The following TNIK variants were observed in gnomAD, a reference collection of about 807,000 sequenced individuals.
TNIK encodes the protein TRAF2 and NCK interacting kinase.
TNIK carries 49 observed loss-of-function variants against 191.3 expected under a neutral mutation model. That is an observed-to-expected ratio of 0.26 (90% CI 0.20 to 0.32). TNIK has a LOEUF of 0.32. Ranked by LOEUF, TNIK falls within the 10% of genes least tolerant of loss-of-function variation. The pLI is 1.00. For synonymous variants in TNIK, 594 were observed against 600.9 expected (o/e 0.99, Z 0.17); for missense variants, 1,155 against 1,702.3 (o/e 0.68, Z 5.66).
intron 1 of TNIK, among the ~76,000 whole-genome samples, chr3:171,416,614 C>T (rs1253488835): frequency 2.0e-5 from 3 of 152,182 alleles, no homozygotes; most frequent in African/African-American, 7.2e-5. Context: ...CTATTCACCC[C>T]TGCAAGTAAT....
chr3:171,393,314 C>A (rs1411156633), intron 1 of TNIK, among the ~76,000 whole-genome samples: 1 of 152,144 alleles, frequency 6.6e-6, no homozygotes, highest in Non-Finnish European at 1.5e-5. Flanking sequence ...GGCTGGAATC[C>A]CACTGAGCAA....
At chr3:171,080,768 C>G (rs1720573819) in intron 27 of TNIK, among the ~76,000 whole-genome samples, 1 of 152,180 alleles carries the variant, frequency 6.6e-6, no homozygotes, top group Non-Finnish European at 1.5e-5. Context: ...AAGCATTACA[C>G]ATGCATTTGA....
chr3:171,337,481 G>C (rs1017559328), intron 2 of TNIK, among the ~76,000 whole-genome samples: 1 of 152,150 alleles, frequency 6.6e-6, no homozygotes, highest in Non-Finnish European at 1.5e-5. Flanking sequence ...ATGTAAATAC[G>C]GTTTAAGCCT....
intron 1 of TNIK, among the ~76,000 whole-genome samples, chr3:171,388,490 C>T (rs1393744380): frequency 1.3e-5 from 2 of 152,198 alleles, no homozygotes; most frequent in Admixed American, 6.5e-5. Context: ...GGTCCTGCCA[C>T]GCATTAGCTA....
intron 2 of TNIK, among the ~76,000 whole-genome samples, chr3:171,248,626 C>T (rs1440458529): frequency 6.6e-6 from 1 of 152,064 alleles, no homozygotes; most frequent in Non-Finnish European, 1.5e-5. Context: ...AGGCTGGAAG[C>T]ATCAAAGGCT....
At chr3:171,362,619 T>C (rs1577637846) in intron 2 of TNIK, among the ~76,000 whole-genome samples, 1 of 152,344 alleles carries the variant, frequency 6.6e-6, no homozygotes, top group Non-Finnish European at 1.5e-5. Flanking sequence ...AAAAGGTTAT[T>C]GAGTGCCTAC....
intron 21 of TNIK, among the ~76,000 whole-genome samples, chr3:171,106,198 A>C (rs1221478032): frequency 6.6e-6 from 1 of 152,172 alleles, no homozygotes; most frequent in Non-Finnish European, 1.5e-5. Flanking sequence ...ACCTTAATCA[A>C]ACCCTTGGCT....
At chr3:171,355,730 C>G (rs1211993827) in intron 2 of TNIK, among the ~76,000 whole-genome samples, 1 of 152,122 alleles carries the variant, frequency 6.6e-6, no homozygotes, top group African/African-American at 2.4e-5. Flanking sequence ...ATAATGTGAT[C>G]CTTAATGGAA....
intron 1 of TNIK, among the ~76,000 whole-genome samples, chr3:171,388,847 G>A (rs1277652986): frequency 1.3e-5 from 2 of 152,106 alleles, no homozygotes; most frequent in Non-Finnish European, 2.9e-5. Context: ...GTGTTTAAGT[G>A]CCTAACTCCA....
intron 2 of TNIK, among the ~76,000 whole-genome samples, chr3:171,345,810 A>G (rs775687654): frequency 1.4e-4 from 21 of 152,202 alleles, no homozygotes; most frequent in Non-Finnish European, 2.9e-4. Context: ...ATATGCTTTT[A>G]GTATCATCTA....
chr3:171,226,266 T>C (rs1390119175), intron 3 of TNIK, among the ~76,000 whole-genome samples: 1 of 152,164 alleles, frequency 6.6e-6, no homozygotes, highest in East Asian at 1.9e-4. Context: ...TGTATGGAAG[T>C]AGAAAATATT....
chr3:171,126,068 G>C lies in TNIK; in HGVS notation c.1857C>G (p.Leu619=), dbSNP rs1395944838. Residue 619 remains leucine, a synonymous_variant, in exon 17 of 33, where the codon CTC becomes CTG. Coordinates refer to ENST00000436636, the MANE Select transcript of TNIK (RefSeq NM_015028.4). The part of the protein sequence containing the change: ...QSVHEQPTKG[L]SGFQEALNVT... ...CGTTCAGAGCCTCCTGAAACCCAGA[G>C]AGGCCCTTTGTGGGCTGCTCGTGCA... The C allele has an allele frequency of 6.2e-7, 1 of 1,613,148 alleles. No individual in the cohort carries two copies.
intron 7 of TNIK, among the ~76,000 whole-genome samples, chr3:171,187,869 T>C (rs1189486910): frequency 6.6e-6 from 1 of 152,150 alleles, no homozygotes; most frequent in African/African-American, 2.4e-5. Context: ...TGTCCTGTAA[T>C]GTACACAAAG....
chr3:171,087,033 G>A (rs1218693250), intron 24 of TNIK, among the ~76,000 whole-genome samples: 1 of 152,114 alleles, frequency 6.6e-6, no homozygotes, highest in African/African-American at 2.4e-5. Flanking sequence ...CATCAGAACT[G>A]GAGGTCCCAG....
intron 1 of TNIK, among the ~76,000 whole-genome samples, chr3:171,458,568 G>A (rs937698876): frequency 3.3e-5 from 5 of 152,212 alleles, no homozygotes; most frequent in Non-Finnish European, 5.9e-5. Context: ...GGAGGAAAAG[G>A]TTTAATTAAG....
At chr3:171,083,152 C>T (rs1720901986) in intron 26 of TNIK, among the ~76,000 whole-genome samples, 1 of 152,192 alleles carries the variant, frequency 6.6e-6, no homozygotes, top group Admixed American at 6.5e-5. Flanking sequence ...CACACACACA[C>T]ATTGAGAGGC....
rs549888659 is a variant in TNIK, at chr3:171,443,360, G to T, written c.57+16647C>A. Reference sequence around the variant, plus strand: ...AATTGCAACATATATTATCTCAAGCGTTGGAGGAATCAGATAAACAGGCTG... The same window carrying T: ...AATTGCAACATATATTATCTCAAGCTTTGGAGGAATCAGATAAACAGGCTG... On this transcript the variant is annotated intron_variant, in intron 1 of 32. Coordinates refer to ENST00000436636, the MANE Select transcript of TNIK (RefSeq NM_015028.4). Among the ~76,000 whole-genome samples the T allele has an allele frequency of 1.9e-4, 29 of 152,180 alleles. No individual in the cohort carries two copies. In the South Asian group the frequency reaches 6.0e-3, roughly 32 times the overall value.
intron 2 of TNIK, among the ~76,000 whole-genome samples, chr3:171,320,262 T>C (rs1432735679): frequency 1.3e-5 from 2 of 152,208 alleles, no homozygotes; most frequent in African/African-American, 4.8e-5. Context: ...TCTAATTTAG[T>C]ACCCATGATG....
At chr3:171,094,768 T>G (rs1207712219) in intron 22 of TNIK, among the ~76,000 whole-genome samples, 1 of 152,228 alleles carries the variant, frequency 6.6e-6, no homozygotes, top group Non-Finnish European at 1.5e-5. Context: ...CACCTATGTC[T>G]TGTCCCAACA....
Sources: gnomAD v4.1 joint callset for allele counts (sites outside exome capture counted in the v4.1 genomes callset) on GRCh38, gnomAD v4.1.1 for gene constraint, MANE v1.5 for transcripts, NCBI Gene and HGNC (gene_info 2026-07-23, HGNC 2026-07-21) for gene names.